GNG7: variants seen among roughly 807,000 people sequenced by gnomAD.
GNG7 encodes the protein G protein subunit gamma 7.
GNG7 carries 1 observed loss-of-function variant against 4.0 expected under a neutral mutation model. The observed-to-expected ratio is 0.25, with a 90% CI of 0.09 to 1.18. GNG7 has a LOEUF of 1.18. GNG7 is among the 50% of genes most tolerant of loss of function. The probability of loss-of-function intolerance (pLI) is 0.50; values close to 1 mark genes in which losing one functional copy is unlikely to be tolerated. For missense variants in GNG7, 86 were observed against 91.9 expected, an observed-to-expected ratio of 0.94 and a Z score of 0.26; for synonymous variants, 34 against 36.9, an observed-to-expected ratio of 0.92 and a Z score of 0.29.
intron 3 of GNG7, among the ~76,000 whole-genome samples, chr19:2,553,677 A>G (rs1051096107): frequency 2.8e-5 from 4 of 143,524 alleles, no homozygotes; most frequent in Non-Finnish European, 4.5e-5. Context: ...TACATGTAAT[A>G]TGTTATATTA....
intron 1 of GNG7, among the ~76,000 whole-genome samples, chr19:2,656,029 CA>C (rs55687607): frequency 0.48 from 47,709 of 98,698 alleles, 7,655 homozygotes; most frequent in East Asian, 0.54. Context: ...CGATTCAAAA[CA>C]AAAAAAAAAA....
chr19:2,627,374 C>A (rs1459558030), intron 2 of GNG7, among the ~76,000 whole-genome samples: 1 of 152,152 alleles, frequency 6.6e-6, no homozygotes, highest in Non-Finnish European at 1.5e-5. Context: ...CCACCCCCTG[C>A]ATGGCTCCAG....
chr19:2,665,159 C>A (rs1297362562), intron 1 of GNG7, among the ~76,000 whole-genome samples: 1 of 152,196 alleles, frequency 6.6e-6, no homozygotes, highest in African/African-American at 2.4e-5. Context: ...AGGAAGCAGA[C>A]TCCATTTCTT....
intron 1 of GNG7, among the ~76,000 whole-genome samples, chr19:2,692,208 C>T (rs1029377788): frequency 3.3e-5 from 5 of 151,706 alleles, no homozygotes; most frequent in Admixed American, 1.3e-4. Context: ...TACTTTCCGA[C>T]CACATTGAAG....
At chr19:2,541,297 C>A (rs112532282) in intron 3 of GNG7, among the ~76,000 whole-genome samples, 4,529 of 152,098 alleles carry the variant, frequency 0.03, 126 homozygotes, top group Middle Eastern at 0.099. Context: ...CACAGTGAGA[C>A]CCTGTCTCTA....
rs1331197650 is a variant in GNG7, at chr19:2,661,288, AAGAAAGAAAGAAAG to A, written c.-134-15022_-134-15009del. On this transcript the variant is annotated intron_variant, in intron 1 of 4. Transcript: ENST00000382159. ...AAGAAAGAAAAGAAAGAAAGAAAGAAAGAAAGAAAGAAAGAGAAAGAAAGAAAGAAAGAAAGAAA... is the reference window on the plus strand; with the variant it reads ...AAGAAAGAAAAGAAAGAAAGAAAGAAAGAAAGAAAGAAAGAAAGAAAGAAA... 8.6e-3 allele frequency among the ~76,000 whole-genome samples: 407 copies of A among 47,282 alleles called. 36 individuals are homozygous for A. The highest frequency in any genetic ancestry group is 0.035 in the African/African-American group (358 of 10,162). 31.0% of individuals were successfully genotyped at this position (47,282 alleles called of 152,430 possible).
intron 2 of GNG7, among the ~76,000 whole-genome samples, chr19:2,590,118 T>C (rs1235717963): frequency 1.3e-5 from 2 of 152,200 alleles, no homozygotes; most frequent in Non-Finnish European, 2.9e-5. Flanking sequence ...CTGGCCTTTA[T>C]AGCATATAAT....
intron 2 of GNG7, among the ~76,000 whole-genome samples, chr19:2,562,345 G>A (rs1374474403): frequency 2.6e-5 from 4 of 151,048 alleles, no homozygotes; most frequent in African/African-American, 7.3e-5. Context: ...GTGCAGTGGC[G>A]CGATCTCGGC....
chr19:2,654,008 G>A (rs1044977481), intron 1 of GNG7, among the ~76,000 whole-genome samples: 1 of 152,294 alleles, frequency 6.6e-6, no homozygotes, highest in South Asian at 2.1e-4. Context: ...GGACACAGAT[G>A]CTCTCCTCCA....
At position 2,511,421 on chromosome 19, in the gene GNG7, T is replaced by G. The variant is rs1972653930; in HGVS notation, c.*3601A>C. 6.6e-6 allele frequency: 1 copy of G among 152,308 alleles called. No homozygotes were observed. The highest frequency in any genetic ancestry group is 6.5e-5 in the Admixed American group (1 of 15,276). The allele number at this position is 152,308 out of a possible 1,614,324, so 9.4% of individuals were successfully genotyped here. On this transcript the variant is annotated 3_prime_UTR_variant, in exon 5 of 5. Coordinates refer to ENST00000382159, the MANE Select transcript of GNG7 (RefSeq NM_052847.3). This position sits in a 1 kb window ranked among gnomAD's most constrained non-coding sequence, Gnocchi z 6.3. Reference sequence around the variant, plus strand: ...GGCGGCTGGAAACAGGAGACAGGTCTTTACGAAGGTTAGATGGGCAGCGGT... The same window carrying G: ...GGCGGCTGGAAACAGGAGACAGGTCGTTACGAAGGTTAGATGGGCAGCGGT...
intron 1 of GNG7, among the ~76,000 whole-genome samples, chr19:2,675,732 T>C (rs945360900): frequency 1.3e-5 from 2 of 152,010 alleles, no homozygotes; most frequent in African/African-American, 4.8e-5. Context: ...GTTTTCACGA[T>C]TGGGGGGAGC....
intron 1 of GNG7, among the ~76,000 whole-genome samples, chr19:2,647,511 C>T (rs1311590446): frequency 6.6e-6 from 1 of 152,240 alleles, no homozygotes; most frequent in Non-Finnish European, 1.5e-5. Context: ...CAGGGTCCTC[C>T]CAGCGAGTCG....
In GNG7 at chr19:2,618,650, GTTCTATTTTTTTT is replaced by G. The variant is rs542203321; in HGVS notation, c.-78+27561_-78+27573del. ...AGACGTGAGCCACCGTGCCCAGCCT[GTTCTATTTTTTTT>G]TTAATAAACAATTTTATTTGGAGTA... On this transcript the variant is annotated intron_variant, in intron 2 of 4. Coordinates refer to ENST00000382159, the MANE Select transcript of GNG7 (RefSeq NM_052847.3). This position sits in a 1 kb window ranked among gnomAD's most constrained non-coding sequence, Gnocchi z 5.1. 3.9e-5 allele frequency among the ~76,000 whole-genome samples: 6 copies of G among 151,942 alleles called. No homozygotes were observed. Among genetic ancestry groups the G allele is most frequent in the Non-Finnish European group, 2.9e-5 (2 of 67,964 alleles).
At chr19:2,555,100 A>G (rs576999260) in intron 3 of GNG7, 49 bp downstream of exon 3, 23 of 152,218 alleles carry the variant, frequency 1.5e-4, no homozygotes, top group Middle Eastern at 3.4e-3. Flanking sequence ...TCCTTTTTCT[A>G]AAAAACAAGA....
intron 2 of GNG7, among the ~76,000 whole-genome samples, chr19:2,645,723 G>A (rs1178598802): frequency 6.6e-6 from 1 of 151,956 alleles, no homozygotes; most frequent in Non-Finnish European, 1.5e-5. Context: ...TGCCTTTTCT[G>A]GACATTTCTG....
intron 1 of GNG7, among the ~76,000 whole-genome samples, chr19:2,692,432 G>A (rs555086707): frequency 1.3e-4 from 20 of 151,864 alleles, no homozygotes; most frequent in Admixed American, 4.6e-4. Context: ...TCAGGAGATC[G>A]AGACCATCCT....
intron 1 of GNG7, among the ~76,000 whole-genome samples, chr19:2,698,773 T>TACC: frequency 6.8e-6 from 1 of 146,574 alleles, no homozygotes; most frequent in African/African-American, 2.8e-5. Flanking sequence ...TGTTTTCCAC[T>TACC]ACTATCGGTG....
chr19:2,561,195 T>C (rs1979731409), intron 2 of GNG7, among the ~76,000 whole-genome samples: 1 of 151,628 alleles, frequency 6.6e-6, no homozygotes, highest in Non-Finnish European at 1.5e-5. Context: ...GTCCGTGGAA[T>C]CCCATAACCC....
chr19:2,574,814 A>G (rs577524587), intron 2 of GNG7, among the ~76,000 whole-genome samples: 2 of 152,174 alleles, frequency 1.3e-5, no homozygotes, highest in African/African-American at 4.8e-5. Context: ...GCCTTGTTCC[A>G]TCCCCACCAG....
Sources: allele counts gnomAD v4.1 joint callset (sites outside exome capture counted in the v4.1 genomes callset), GRCh38; gene constraint gnomAD v4.1.1; non-coding constraint Gnocchi (gnomAD v3.1); transcripts MANE v1.5; gene names NCBI Gene and HGNC (gene_info 2026-07-23, HGNC 2026-07-21).